The following MED22 variants were observed in gnomAD, a reference collection of about 807,000 sequenced individuals.
The protein encoded by MED22 is mediator of RNA polymerase II transcription subunit 22.
In MED22, 22 loss-of-function variants were observed where a neutral mutation model predicts 22.7. The observed-to-expected ratio is 0.97, with a 90% confidence interval of 0.69 to 1.38. The LOEUF (loss-of-function observed/expected upper bound fraction) is 1.38, where lower values mean the gene tolerates loss of function less well. Among genes scored for constraint, MED22 ranks in the 40% most tolerant of loss-of-function variants. The probability of loss-of-function intolerance (pLI) is 0.00; values close to 1 mark genes in which losing one functional copy is unlikely to be tolerated. For missense variants in MED22, 247 were observed against 263.0 expected (o/e 0.94, Z 0.42); for synonymous variants, 134 against 119.4 (o/e 1.12, Z -0.80).
chr9:133,345,169 C>CA lies in MED22; in HGVS notation c.204+2dup, dbSNP rs1003017993. ...GGCCGTGCCCTCCACCCTGGCCACT[C>CA]ACGATGTTGGCGGCTCGCACATGCA... is the stretch of plus-strand genomic sequence containing the variant. On this transcript the variant is annotated splice_region_variant and intron_variant, in intron 3 of 4. Coordinates refer to ENST00000343730, the MANE Select transcript of MED22 (RefSeq NM_133640.5). 5.0e-6 allele frequency: 8 copies of CA among 1,613,738 alleles called. No individual in the cohort carries two copies. Among genetic ancestry groups the CA allele is most frequent in the Non-Finnish European group, 5.9e-6 (7 of 1,180,006 alleles).
rs192917097 is a variant in MED22 at position 133,339,436 on chromosome 9, G to A, written c.*2069C>T. The A allele has an allele frequency of 3.1e-4, 243 of 780,802 alleles. 3 individuals are homozygous for A. In the East Asian group the frequency reaches 5.6e-3, roughly 18 times the overall value. 48.4% of individuals were successfully genotyped at this position (780,802 alleles called of 1,614,324 possible). A position where few individuals can be genotyped will look rare whatever the true frequency, so the allele number is the denominator to read the frequency against. On this transcript the variant is annotated 3_prime_UTR_variant, in exon 5 of 5. Coordinates refer to ENST00000343730, the MANE Select transcript of MED22 (RefSeq NM_133640.5). ...CAATGGGAAGGAGCCTGAGCTGCTG[G>A]AACCTCTTCCCTATGAATTCATGGC...
rs1194668724 is a variant in MED22, at chr9:133,344,124, C to T, written c.413+1G>A. On this transcript the variant is annotated splice_donor_variant, in intron 4 of 4. Coordinates refer to ENST00000343730, the MANE Select transcript of MED22 (RefSeq NM_133640.5). LOFTEE classifies it high-confidence loss of function. Reference sequence around the variant, plus strand: ...CATGGGGAGTCCAGCGCTATTTATACCTGGACGAGTAATACTCCTCCTCCA... The same window carrying T: ...CATGGGGAGTCCAGCGCTATTTATATCTGGACGAGTAATACTCCTCCTCCA... The T allele has an allele frequency of 1.2e-6, 2 of 1,614,116 alleles. No homozygotes were observed. Among genetic ancestry groups the T allele is most frequent in the Non-Finnish European group, 1.7e-6 (2 of 1,180,024 alleles).
intron 3 of MED22, 23 bp downstream of exon 3, chr9:133,345,149 T>G (rs1258083222): frequency 6.2e-7 from 1 of 1,611,770 alleles, no homozygotes; most frequent in East Asian, 2.2e-5. Flanking sequence ...GCCCAGGCCG[T>G]GCCCTCCACC....
intron 4 of MED22, chr9:133,343,781 C>G: frequency 7.4e-7 from 1 of 1,355,918 alleles, no homozygotes; most frequent in Non-Finnish European, 9.5e-7. Flanking sequence ...GTAACAGGAG[C>G]AGCACAGCCC....
chr9:133,346,848 C>T (rs1836200185), intron 1 of MED22, 148 bp from the exon 2 acceptor site: 3 of 783,804 alleles, frequency 3.8e-6, no homozygotes, highest in East Asian at 5.6e-5. Context: ...CTCATTCCAT[C>T]AGCAGACACC....
rs2129967557 is a variant in MED22, at chr9:133,346,205, C to T, written c.123+335G>A. 1.9e-3 allele frequency among the ~76,000 whole-genome samples: 289 copies of T among 152,198 alleles called. 1 individual carries two copies. Among genetic ancestry groups the T allele is most frequent in the African/African-American group, 5.6e-3 (233 of 41,480 alleles). On this transcript the variant is annotated intron_variant, in intron 2 of 4. Coordinates refer to ENST00000343730, the MANE Select transcript of MED22 (RefSeq NM_133640.5). ...CGCTCCACCTGCCTGGAGGCCCCCC[C>T]CCACTTCTCCCCTCAGTCTGCTTTT... is the stretch of plus-strand genomic sequence containing the variant.
At chr9:133,342,056 C>T in intron 4 of MED22, 1 of 1,099,580 alleles carries the variant, frequency 9.1e-7, no homozygotes, top group South Asian at 2.3e-5. Context: ...CCTGGCCACC[C>T]TCCCTCCTCC....
Position 133,341,402 on chromosome 9 carries a change from A to C in MED22, c.*103T>G. ...AAGTCCTAGTGGCTCTGGGGTCCTGAAGTCCCCAAATGGGAACCTAGGCTG... is the reference window on the plus strand; with the variant it reads ...AAGTCCTAGTGGCTCTGGGGTCCTGCAGTCCCCAAATGGGAACCTAGGCTG... On this transcript the variant is annotated 3_prime_UTR_variant, in exon 5 of 5. Transcript: ENST00000343730. 6.2e-6 allele frequency: 8 copies of C among 1,292,554 alleles called. No homozygotes were observed. Among genetic ancestry groups the C allele is most frequent in the Non-Finnish European group, 8.1e-6 (8 of 989,488 alleles). 80.1% of individuals were successfully genotyped at this position (1,292,554 alleles called of 1,614,324 possible).
At chr9:133,343,867 A>G in intron 4 of MED22, 1 of 1,415,308 alleles carries the variant, frequency 7.1e-7, no homozygotes, top group Non-Finnish European at 9.2e-7. Context: ...TCCCTTCTCC[A>G]GACTCGGCCT....
At chr9:133,345,890 C>G (rs1479523675) in intron 2 of MED22, among the ~76,000 whole-genome samples, 2 of 152,206 alleles carry the variant, frequency 1.3e-5, no homozygotes, top group Admixed American at 6.5e-5. Context: ...CAGTTGTGAG[C>G]TGAGTGACCT....
chr9:133,345,694 G>A (rs2129966045), intron 2 of MED22, among the ~76,000 whole-genome samples: 1 of 152,148 alleles, frequency 6.6e-6, no homozygotes, highest in African/African-American at 2.4e-5. Flanking sequence ...GCTGTGTCAT[G>A]CACTTGACCA....
intron 4 of MED22, chr9:133,341,921 C>G: frequency 7.5e-7 from 1 of 1,325,314 alleles, no homozygotes; most frequent in Non-Finnish European, 9.6e-7. Context: ...GGAAGCCGCC[C>G]TGGCCCAACC....
intron 2 of MED22, 171 bp downstream of exon 2, chr9:133,346,365 TGTTA>T: frequency 1.4e-6 from 1 of 725,502 alleles, no homozygotes; most frequent in Non-Finnish European, 2.3e-6. Context: ...AAATCCATAC[TGTTA>T]GTAAGGGCTG....
intron 2 of MED22, 119 bp from the exon 3 acceptor site, chr9:133,345,371 C>G (rs1382663170): frequency 1.0e-6 from 1 of 960,452 alleles, no homozygotes; most frequent in African/African-American, 1.6e-5. Context: ...TGGCCACAAC[C>G]TGTCTGTGGT....
chr9:133,340,212 C>T lies in MED22; in HGVS notation c.*1293G>A, dbSNP rs1835969931. 6.6e-6 allele frequency: 1 copy of T among 152,226 alleles called. No individual in the cohort carries two copies. The highest frequency in any genetic ancestry group is 1.5e-5 in the Non-Finnish European group (1 of 68,072). 9.4% of individuals were successfully genotyped at this position (152,226 alleles called of 1,614,324 possible). A position where few individuals can be genotyped will look rare whatever the true frequency, so the allele number is the denominator to read the frequency against. ...GAGGGGAAGCAACTTCCCTAGGCCA[C>T]CCCAGAAGCCAGGTCCAGAGCCAGG... is the stretch of plus-strand genomic sequence containing the variant. On this transcript the variant is annotated 3_prime_UTR_variant, in exon 5 of 5. Coordinates refer to ENST00000343730, the MANE Select transcript of MED22 (RefSeq NM_133640.5).
chr9:133,343,436 G>C, intron 4 of MED22: 1 of 1,226,816 alleles, frequency 8.2e-7, no homozygotes, highest in Non-Finnish European at 1.0e-6. Flanking sequence ...ACGGTCGAAG[G>C]TTTCAGCTTC....
chr9:133,342,009 T>A lies in MED22; in HGVS notation c.414-315A>T, dbSNP rs1213633905. ...CCTGTCCTAGCCTATGCCTCCCAGC[T>A]GGTGCTGGTCCCCCTCCTCTTGCAA... On this transcript the variant is annotated intron_variant, in intron 4 of 4. Transcript: ENST00000343730. The A allele has an allele frequency of 3.5e-6, 4 of 1,151,140 alleles. No homozygotes were observed. The African/African-American group carries it at 5.0e-5, about 14-fold the overall frequency. The allele number at this position is 1,151,140 out of a possible 1,614,324, so 71.3% of individuals were successfully genotyped here. A position where few individuals can be genotyped will look rare whatever the true frequency, so the allele number is the denominator to read the frequency against.
chr9:133,343,795 A>G, intron 4 of MED22: 1 of 1,389,056 alleles, frequency 7.2e-7, no homozygotes, highest in South Asian at 1.9e-5. Flanking sequence ...ACAGCCCCAG[A>G]ACGCACTGCC....
chr9:133,342,915 T>C (rs1404485435), intron 4 of MED22: 7 of 985,436 alleles, frequency 7.1e-6, no homozygotes, highest in African/African-American at 1.7e-5. Flanking sequence ...ACAGCTGCTC[T>C]GTGCAGGGGC....
Sources: allele counts gnomAD v4.1 joint callset (sites outside exome capture counted in the v4.1 genomes callset), GRCh38; gene constraint gnomAD v4.1.1; transcripts MANE v1.5; gene names NCBI Gene and HGNC (gene_info 2026-07-23, HGNC 2026-07-21).